The following MOB1B variants were observed in gnomAD, a reference collection of about 807,000 sequenced individuals.
The protein encoded by MOB1B is MOB1 Mps One Binder homolog B.
A neutral mutation model predicts 24.4 loss-of-function variants in MOB1B; 19 were observed. The ratio of observed to expected loss-of-function variants is 0.78; its 90% CI spans 0.54 to 1.14. MOB1B has a LOEUF of 1.14. Among genes scored for constraint, MOB1B ranks in the 50% most tolerant of loss-of-function variants. MOB1B has a pLI of 0.00. For synonymous variants in MOB1B, 76 were observed against 82.1 expected (o/e 0.93, Z 0.40); for missense variants, 243 against 259.6 (o/e 0.94, Z 0.44).
intron 1 of MOB1B, among the ~76,000 whole-genome samples, chr4:70,936,410 C>G (rs1282208061): frequency 6.6e-6 from 1 of 152,118 alleles, no homozygotes; most frequent in Non-Finnish European, 1.5e-5. Context: ...AAACTTTCAG[C>G]AAAACACTAG....
At chr4:70,958,804 C>T in intron 1 of MOB1B, 70 bp from the exon 2 acceptor site, 2 of 1,353,726 alleles carry the variant, frequency 1.5e-6, no homozygotes, top group Non-Finnish European at 2.1e-6. Context: ...AGGTCTAATG[C>T]TTGGTGAATG....
chr4:70,932,674 C>T (rs567630056), intron 1 of MOB1B, among the ~76,000 whole-genome samples: 97 of 152,258 alleles, frequency 6.4e-4, no homozygotes, highest in Non-Finnish European at 1.1e-3. Context: ...CTGTGTTTTT[C>T]CACTGCCCCA....
At chr4:70,972,214 TTTTTA>T in intron 3 of MOB1B, among the ~76,000 whole-genome samples, 1 of 152,242 alleles carries the variant, frequency 6.6e-6, no homozygotes, top group Middle Eastern at 3.4e-3. Context: ...TGTTTTTTTA[TTTTTA>T]TTTTATTTTT....
intron 1 of MOB1B, among the ~76,000 whole-genome samples, chr4:70,917,921 A>ATATC (rs111614986): frequency 0.04 from 6,088 of 152,186 alleles, 398 homozygotes; most frequent in African/African-American, 0.14. Context: ...TTTTCTTGAT[A>ATATC]TTTAATTTTT....
chr4:70,921,466 TTC>T (rs1410784821), intron 1 of MOB1B, among the ~76,000 whole-genome samples: 1 of 149,706 alleles, frequency 6.7e-6, no homozygotes, highest in Non-Finnish European at 1.5e-5. Context: ...CTTTCTTTTC[TTC>T]TCTCTTCTCT....
chr4:70,946,788 A>G lies in MOB1B; in HGVS notation c.15-12086A>G, dbSNP rs116040293. 1.0e-2 allele frequency among the ~76,000 whole-genome samples: 1,519 copies of G among 152,142 alleles called. 10 individuals carry two copies. The highest frequency in any genetic ancestry group is 0.016 in the Non-Finnish European group (1,078 of 67,984). On this transcript the variant is annotated intron_variant, in intron 1 of 5. Transcript: ENST00000309395. ...TCCAAAGAGGGTTTTGGGAACTTCA[A>G]TATTTAAAGGGGAAAGATGAAACAG... is the stretch of plus-strand genomic sequence containing the variant.
At chr4:70,916,655 C>T (rs1362179837) in intron 1 of MOB1B, among the ~76,000 whole-genome samples, 1 of 152,108 alleles carries the variant, frequency 6.6e-6, no homozygotes, top group Admixed American at 6.5e-5. Flanking sequence ...GCAACCTCTG[C>T]CTCCCGGGTT....
chr4:70,954,368 G>A (rs532847357), intron 1 of MOB1B, among the ~76,000 whole-genome samples: 44 of 152,340 alleles, frequency 2.9e-4, no homozygotes, highest in African/African-American at 1.1e-3. Flanking sequence ...GCTCTGGAAA[G>A]CTAAGTAATT....
intron 3 of MOB1B, among the ~76,000 whole-genome samples, chr4:70,971,941 C>A (rs1738772279): frequency 1.3e-5 from 2 of 151,634 alleles, no homozygotes; most frequent in South Asian, 4.2e-4. Context: ...CTCCTTCTTT[C>A]TTCTTTCTCT....
In MOB1B at chr4:70,945,685, G is replaced by T. The variant is rs559711183; in HGVS notation, c.15-13189G>T. Among the ~76,000 whole-genome samples, 25 of 152,310 alleles carry T rather than the reference G, an allele frequency of 1.6e-4. No homozygotes were observed. The East Asian group carries it at 4.4e-3, about 27-fold the overall frequency. ...CCTTGTGATAGGTTCTGGAGATGCA[G>T]TGATGCCTTAGAAACATTTCTTATT... is the stretch of plus-strand genomic sequence containing the variant. On this transcript the variant is annotated intron_variant, in intron 1 of 5. Transcript: ENST00000309395.
chr4:70,947,967 A>G (rs142790733), intron 1 of MOB1B, among the ~76,000 whole-genome samples: 22 of 152,184 alleles, frequency 1.4e-4, no homozygotes, highest in African/African-American at 5.1e-4. Flanking sequence ...CTTTCATAAG[A>G]TGCTTTTTTA....
intron 2 of MOB1B, among the ~76,000 whole-genome samples, chr4:70,965,890 T>C (rs539446555): frequency 7.4e-6 from 1 of 135,642 alleles, no homozygotes; most frequent in East Asian, 2.2e-4. Context: ...TTAATTGAAA[T>C]AACCTAATTC....
At chr4:70,973,017 C>T (rs1417064418) in intron 3 of MOB1B, among the ~76,000 whole-genome samples, 6 of 152,144 alleles carry the variant, frequency 3.9e-5, no homozygotes, top group African/African-American at 1.4e-4. Flanking sequence ...TCATGATCCG[C>T]CCGCCTCGGC....
chr4:70,957,379 T>G lies in MOB1B; in HGVS notation c.15-1495T>G, dbSNP rs1738107763. Among the ~76,000 whole-genome samples the G allele has an allele frequency of 3.3e-5, 5 of 151,814 alleles. 1 individual carries two copies. The South Asian group carries it at 1.0e-3, about 32-fold the overall frequency. ...TAATGGACAGGGGTGACCCCTAATTTGATAAAAATTTGCTAGTATTAACAG... is the reference window on the plus strand; with the variant it reads ...TAATGGACAGGGGTGACCCCTAATTGGATAAAAATTTGCTAGTATTAACAG... On this transcript the variant is annotated intron_variant, in intron 1 of 5. Coordinates refer to ENST00000309395, the MANE Select transcript of MOB1B (RefSeq NM_173468.4).
At chr4:70,958,672 A>G (rs1473823822) in intron 1 of MOB1B, 1 of 690,694 alleles carries the variant, frequency 1.4e-6, no homozygotes, top group South Asian at 1.4e-5. Flanking sequence ...TGTTAGTTAC[A>G]GCTTAAAAAT....
At chr4:70,913,048 G>A (rs920021357) in intron 1 of MOB1B, among the ~76,000 whole-genome samples, 10 of 152,146 alleles carry the variant, frequency 6.6e-5, no homozygotes, top group East Asian at 5.8e-4. Context: ...GTGAGCCACC[G>A]GGCCCAGCCT....
At chr4:70,913,153 C>T (rs555409868) in intron 1 of MOB1B, among the ~76,000 whole-genome samples, 5 of 152,292 alleles carry the variant, frequency 3.3e-5, no homozygotes, top group East Asian at 3.9e-4. Flanking sequence ...GAACATTCCT[C>T]GCTTTGGGTT....
At position 70,972,029 on chromosome 4, in the gene MOB1B, C is replaced by T. The variant is rs531668088; in HGVS notation, c.275+2005C>T. 9.5e-5 allele frequency among the ~76,000 whole-genome samples: 14 copies of T among 147,592 alleles called. No individual in the cohort carries two copies. In the East Asian group the frequency reaches 1.2e-3, roughly 12 times the overall value. ...CTCCCTTTTTTTTTTTGGGGAGAAT[C>T]GTGACATTTCCCAGTCATTAGTGCT... On this transcript the variant is annotated intron_variant, in intron 3 of 5. Coordinates refer to ENST00000309395, the MANE Select transcript of MOB1B (RefSeq NM_173468.4).
In MOB1B at chr4:70,986,837, A is replaced by G. The variant is rs1739396536; in HGVS notation, c.*4780A>G. 6.6e-6 allele frequency: 1 copy of G among 152,186 alleles called. No individual in the cohort carries two copies. 9.4% of individuals were successfully genotyped at this position (152,186 alleles called of 1,614,324 possible). ...GACCACAGTTGATTCTGAATTTTTA[A>G]GGCTTTCCTAATAGGCTGATCACAG... On this transcript the variant is annotated 3_prime_UTR_variant, in exon 6 of 6. Coordinates refer to ENST00000309395, the MANE Select transcript of MOB1B (RefSeq NM_173468.4).
Sources: allele counts gnomAD v4.1 joint callset (sites outside exome capture counted in the v4.1 genomes callset), GRCh38; gene constraint gnomAD v4.1.1; transcripts MANE v1.5; gene names NCBI Gene and HGNC (gene_info 2026-07-23, HGNC 2026-07-21).